DMD: variants seen among roughly 807,000 people sequenced by gnomAD.
The protein encoded by DMD is dystrophin, also known as mutant dystrophin.
Under a neutral mutation model 330.1 loss-of-function variants are expected in DMD, and 63 were observed. The observed-to-expected ratio is 0.19, with a 90% confidence interval of 0.16 to 0.24. DMD has a LOEUF of 0.24. DMD is among the 10% of genes least tolerant of loss of function. The probability of loss-of-function intolerance (pLI) is 1.00; values close to 1 mark genes in which losing one functional copy is unlikely to be tolerated. For synonymous variants in DMD, 1,223 were observed against 959.8 expected (o/e 1.27, Z -5.07); for missense variants, 3,344 against 2,684.1 (o/e 1.25, Z -5.43).
At chrX:32,670,024 A>G (rs1341886652) in intron 9 of DMD, among the ~76,000 whole-genome samples, 1 of 111,823 alleles carries the variant, frequency 8.9e-6, no homozygotes, top group Admixed American at 9.5e-5. Context: ...TAATATTTCT[A>G]TGGGATGATC....
chrX:33,015,929 C>T (rs1309966804), intron 2 of DMD, among the ~76,000 whole-genome samples: 5 of 110,929 alleles, frequency 4.5e-5, no homozygotes, highest in Non-Finnish European at 9.4e-5. Flanking sequence ...TCCACAACAA[C>T]TGTTTCAGCA....
chrX:31,986,670 G>A (rs1046817061), intron 44 of DMD, among the ~76,000 whole-genome samples: 1 of 111,798 alleles, frequency 8.9e-6, no homozygotes, highest in East Asian at 2.8e-4. Flanking sequence ...TTGGCCTCCC[G>A]AAGTGCTGGG....
At chrX:31,602,659 A>T (rs2077424994) in intron 55 of DMD, among the ~76,000 whole-genome samples, 1 of 111,559 alleles carries the variant, frequency 9.0e-6, no homozygotes, top group South Asian at 3.8e-4. Context: ...CTACTGCTAT[A>T]ATAAGATGCT....
intron 2 of DMD, among the ~76,000 whole-genome samples, chrX:32,966,312 A>G (rs999721884): frequency 3.6e-5 from 4 of 111,596 alleles, no homozygotes; most frequent in Non-Finnish European, 7.5e-5. Context: ...TCACGTAAAA[A>G]TCATCTTGCA....
intron 1 of DMD, among the ~76,000 whole-genome samples, chrX:33,326,798 G>C (rs1021833105): frequency 1.8e-5 from 2 of 111,476 alleles, no homozygotes; most frequent in African/African-American, 6.5e-5. Context: ...AGGTACATTA[G>C]GAAGCTATCA....
At chrX:32,707,498 A>G (rs2064784453) in intron 7 of DMD, among the ~76,000 whole-genome samples, 1 of 111,861 alleles carries the variant, frequency 8.9e-6, no homozygotes, top group South Asian at 3.7e-4. Flanking sequence ...CTGTGACTTT[A>G]GGAGTTTTAA....
intron 23 of DMD, among the ~76,000 whole-genome samples, chrX:32,467,132 T>C (rs941995541): frequency 2.7e-5 from 3 of 112,368 alleles, no homozygotes; most frequent in African/African-American, 9.7e-5. Flanking sequence ...ATGCTATGCA[T>C]TAAAAAATGT....
chrX:33,182,846 T>C (rs1799608600), intron 1 of DMD, among the ~76,000 whole-genome samples: 1 of 112,315 alleles, frequency 8.9e-6, no homozygotes, highest in Admixed American at 9.4e-5. Flanking sequence ...ACTAACTTTT[T>C]GTGATAAAAT....
chrX:32,662,699 T>C (rs1197133863), intron 9 of DMD, among the ~76,000 whole-genome samples: 4 of 111,820 alleles, frequency 3.6e-5, no homozygotes, highest in African/African-American at 1.3e-4. Flanking sequence ...TATTTCTCTT[T>C]CATTTGGCCT....
chrX:32,841,819 A>C (rs960102494), intron 4 of DMD, among the ~76,000 whole-genome samples: 1 of 112,031 alleles, frequency 8.9e-6, no homozygotes, highest in African/African-American at 3.2e-5. Flanking sequence ...TAAAAATATA[A>C]AGTTTTAAAG....
At chrX:32,085,768 ATATT>A (rs1396817515) in intron 44 of DMD, among the ~76,000 whole-genome samples, 1 of 109,349 alleles carries the variant, frequency 9.1e-6, no homozygotes, top group African/African-American at 3.3e-5. Flanking sequence ...ATAAATCTCT[ATATT>A]TATCAAACTG....
intron 1 of DMD, among the ~76,000 whole-genome samples, chrX:33,084,110 G>A (rs764273211): frequency 2.0e-4 from 22 of 112,167 alleles, no homozygotes; most frequent in African/African-American, 6.8e-4. Flanking sequence ...TTAAGTCCAC[G>A]CACATTGGGT....
intron 7 of DMD, among the ~76,000 whole-genome samples, chrX:32,738,542 A>G (rs1569502341): frequency 8.9e-6 from 1 of 111,812 alleles, no homozygotes; most frequent in South Asian, 3.7e-4. Flanking sequence ...TAATAAGCTC[A>G]TATTAAATAT....
chrX:32,690,661 A>G (rs2063212165), intron 9 of DMD, among the ~76,000 whole-genome samples: 1 of 100,939 alleles, frequency 9.9e-6, no homozygotes, highest in Non-Finnish European at 1.9e-5. Context: ...GACCAATAGA[A>G]CAGAATAGAG....
chrX:32,344,579 G>A (rs1227603174), intron 39 of DMD, among the ~76,000 whole-genome samples: 1 of 111,369 alleles, frequency 9.0e-6, no homozygotes, highest in Non-Finnish European at 1.9e-5. Flanking sequence ...ATACAGCCAC[G>A]TGAATTAGAG....
At chrX:32,820,235 C>G (rs1218070860) in intron 5 of DMD, among the ~76,000 whole-genome samples, 1 of 111,685 alleles carries the variant, frequency 9.0e-6, no homozygotes, top group East Asian at 2.9e-4. Context: ...GTCAGGAGAT[C>G]GAGACCATCC....
intron 33 of DMD, among the ~76,000 whole-genome samples, chrX:32,385,459 A>T (rs919823057): frequency 9.0e-6 from 1 of 110,961 alleles, no homozygotes; most frequent in Non-Finnish European, 1.9e-5. Context: ...GAAAACAGGA[A>T]AAAGCTTCCT....
At chrX:33,224,461 C>T (rs1603421396) in intron 1 of DMD, among the ~76,000 whole-genome samples, 1 of 111,600 alleles carries the variant, frequency 9.0e-6, no homozygotes, top group East Asian at 2.8e-4. Flanking sequence ...TGAAGGAAGC[C>T]AATCTGAAAA....
intron 19 of DMD, among the ~76,000 whole-genome samples, chrX:32,499,578 T>C (rs1200185072): frequency 8.9e-6 from 1 of 111,749 alleles, no homozygotes; most frequent in Non-Finnish European, 1.9e-5. Context: ...AATGTATGTG[T>C]CTTACGTGGT....
Sources: gnomAD v4.1 joint callset for allele counts (sites outside exome capture counted in the v4.1 genomes callset) on GRCh38, gnomAD v4.1.1 for gene constraint, MANE v1.5 for transcripts, NCBI Gene and HGNC (gene_info 2026-07-23, HGNC 2026-07-21) for gene names.